The following HEATR4 variants were observed in gnomAD, a reference collection of about 807,000 sequenced individuals.
The protein encoded by HEATR4 is HEAT repeat-containing protein 4.
A neutral mutation model predicts 108.8 loss-of-function variants in HEATR4; 95 were observed. That is an observed-to-expected ratio of 0.87 (90% confidence interval 0.74 to 1.04). HEATR4 has a LOEUF of 1.04. Ranked by LOEUF, HEATR4 falls within the 50% of genes least tolerant of loss-of-function variation. The probability of loss-of-function intolerance (pLI) is 0.00; values close to 1 mark genes in which losing one functional copy is unlikely to be tolerated. For synonymous variants in HEATR4, 443 were observed against 459.4 expected (o/e 0.96, Z 0.46); for missense variants, 1,152 against 1,253.8 (o/e 0.92, Z 1.23).
At chr14:73,619,474 G>A in the HEATR4 span, 1 of 1,614,090 alleles carries the variant, frequency 6.2e-7, no homozygotes, top group Non-Finnish European at 8.5e-7. Flanking sequence ...CAATCCACTG[G>A]AGGAACACAA....
intron 7 of HEATR4, among the ~76,000 whole-genome samples, chr14:73,511,549 AAATAAATAAAT>A (rs1418297376): frequency 5.4e-5 from 7 of 129,672 alleles, no homozygotes; most frequent in African/African-American, 1.1e-4. Context: ...ATAAATAAAT[AAATAAATAAAT>A]AAATAAAATA....
chr14:73,604,543 T>C, the HEATR4 span, among the ~76,000 whole-genome samples: 3 of 151,992 alleles, frequency 2.0e-5, no homozygotes, highest in African/African-American at 7.3e-5. Flanking sequence ...TGGAGTGCAA[T>C]GGTGTGATCT....
intron 2 of HEATR4, among the ~76,000 whole-genome samples, chr14:73,525,392 G>A (rs944377305): frequency 4.6e-5 from 7 of 152,066 alleles, no homozygotes; most frequent in African/African-American, 1.4e-4. Flanking sequence ...CTCAAATTAC[G>A]TGACACATGA....
the HEATR4 span, among the ~76,000 whole-genome samples, chr14:73,584,675 CT>C: frequency 6.8e-6 from 1 of 147,254 alleles, no homozygotes; most frequent in African/African-American, 2.5e-5. Flanking sequence ...ACCCTGGCCC[CT>C]TTCCCAGGCT....
At chr14:73,498,787 A>G (rs1770422281) in intron 13 of HEATR4, among the ~76,000 whole-genome samples, 1 of 152,234 alleles carries the variant, frequency 6.6e-6, no homozygotes, top group African/African-American at 2.4e-5. Context: ...AGCAAGATGC[A>G]TCCAGCACTG....
chr14:73,570,717 C>T, the HEATR4 span, among the ~76,000 whole-genome samples: 1 of 151,704 alleles, frequency 6.6e-6, no homozygotes, highest in Admixed American at 6.6e-5. Flanking sequence ...CCAGCCTGGC[C>T]AACATGGTGA....
chr14:73,507,958 C>A (rs1303476491), intron 9 of HEATR4, among the ~76,000 whole-genome samples, 176 bp downstream of exon 9: 1 of 152,216 alleles, frequency 6.6e-6, no homozygotes, highest in Non-Finnish European at 1.5e-5. Context: ...GTTGGCCAGT[C>A]TGGTCTCGAA....
the HEATR4 span, chr14:73,569,273 T>C: frequency 1.2e-6 from 2 of 1,613,870 alleles, no homozygotes; most frequent in Non-Finnish European, 8.5e-7. Flanking sequence ...CCCACCCCCA[T>C]TCAGTTGTTC....
intron 17 of HEATR4, chr14:73,491,215 G>C: frequency 6.3e-7 from 1 of 1,591,926 alleles, no homozygotes; most frequent in Non-Finnish European, 8.6e-7. Flanking sequence ...CGGAGGAATC[G>C]AGGGTGGAGT....
intron 2 of HEATR4, among the ~76,000 whole-genome samples, chr14:73,526,691 A>G (rs1205061766): frequency 1.3e-5 from 2 of 152,240 alleles, no homozygotes; most frequent in African/African-American, 2.4e-5. Flanking sequence ...ACCCTGCGCC[A>G]GAAGGGAATC....
At chr14:73,592,607 C>T in the HEATR4 span, among the ~76,000 whole-genome samples, 1 of 152,344 alleles carries the variant, frequency 6.6e-6, no homozygotes, top group African/African-American at 2.4e-5. Context: ...AATCCCAGCA[C>T]TTTGGGAGGC....
intron 1 of HEATR4, among the ~76,000 whole-genome samples, chr14:73,551,546 G>A (rs1438654768): frequency 8.8e-6 from 1 of 113,762 alleles, no homozygotes. Context: ...GGTGGCTCAC[G>A]CCTGTAATCC....
intron 17 of HEATR4, among the ~76,000 whole-genome samples, chr14:73,479,584 A>C (rs540745327): frequency 1.8e-4 from 27 of 150,862 alleles, no homozygotes; most frequent in Admixed American, 5.3e-4. Flanking sequence ...GATTACAGGC[A>C]TGCGCCACCA....
At chr14:73,612,855 A>T in the HEATR4 span, 1 of 1,413,148 alleles carries the variant, frequency 7.1e-7, no homozygotes, top group African/African-American at 1.5e-5. Flanking sequence ...CGGCTGGTGA[A>T]GCGCGACGTG....
the HEATR4 span, among the ~76,000 whole-genome samples, chr14:73,620,515 G>A: frequency 6.6e-6 from 1 of 151,916 alleles, no homozygotes; most frequent in Admixed American, 6.6e-5. Context: ...AACTGACCAC[G>A]TCTGAGTCTT....
the HEATR4 span, among the ~76,000 whole-genome samples, chr14:73,565,996 A>G: frequency 2.0e-5 from 3 of 151,918 alleles, no homozygotes; most frequent in East Asian, 5.8e-4. Flanking sequence ...GTGCGTTTAC[A>G]ATTCCTCAGC....
intron 17 of HEATR4, among the ~76,000 whole-genome samples, chr14:73,481,821 G>A (rs941085290): frequency 2.6e-5 from 4 of 151,820 alleles, no homozygotes; most frequent in African/African-American, 7.3e-5. Context: ...CTCCAGCCTG[G>A]GTGACAGAGC....
the HEATR4 span, among the ~76,000 whole-genome samples, chr14:73,566,530 C>T: frequency 4.6e-5 from 7 of 152,148 alleles, no homozygotes; most frequent in South Asian, 4.1e-4. Context: ...GCCAGTGGGC[C>T]GGCACTGCTG....
chr14:73,572,070 G>A, the HEATR4 span, among the ~76,000 whole-genome samples: 1 of 146,588 alleles, frequency 6.8e-6, no homozygotes, highest in South Asian at 2.2e-4. Context: ...GCTAGAAGGA[G>A]CAACATATTC....
Sources: allele counts gnomAD v4.1 joint callset (sites outside exome capture counted in the v4.1 genomes callset), GRCh38; gene constraint gnomAD v4.1.1; transcripts MANE v1.5; gene names NCBI Gene and HGNC (gene_info 2026-07-23, HGNC 2026-07-21).